The following SFI1 variants were observed in gnomAD, a reference collection of about 807,000 sequenced individuals.
SFI1 encodes protein SFI1 homolog.
In SFI1, 195 loss-of-function variants were observed where a neutral mutation model predicts 207.5. The observed-to-expected ratio is 0.94, with a 90% CI of 0.84 to 1.06. SFI1 has a LOEUF of 1.06. Among genes scored for constraint, SFI1 ranks in the 50% least tolerant of loss-of-function variants. The probability of loss-of-function intolerance (pLI) is 0.00; values close to 1 mark genes in which losing one functional copy is unlikely to be tolerated. For synonymous variants in SFI1, 630 were observed against 598.9 expected (o/e 1.05, Z -0.76); for missense variants, 1,634 against 1,588.0 (o/e 1.03, Z -0.49).
At chr22:31,570,374 C>G (rs1490866390) in intron 8 of SFI1, among the ~76,000 whole-genome samples, 1 of 152,124 alleles carries the variant, frequency 6.6e-6, no homozygotes, top group Non-Finnish European at 1.5e-5. Context: ...AATGGAGTGC[C>G]ATTTACTGAA....
rs1392063337 is a variant in SFI1, at chr22:31,618,211, G to A, written c.3609G>A (p.Gln1203=). 3 of 1,595,930 alleles carry A rather than the reference G, an allele frequency of 1.9e-6. No homozygotes were observed. The highest frequency in any genetic ancestry group is 2.6e-6 in the Non-Finnish European group (3 of 1,173,038). ...PEDQEVEQQV[Q]KELEQVEMQI... The stretch of plus-strand genomic sequence containing the variant: ...ACCAGGAAGTAGAGCAGCAGGTGCA[G>A]AAAGAGCTGGAACAGGTGAGGCCCC... The change falls in exon 32 of 33, where the codon CAG becomes CAA. Residue 1203 remains glutamine, a synonymous_variant. Transcript: ENST00000400288.
At chr22:31,529,061 T>G in intron 3 of SFI1, 198 bp downstream of exon 3, 1 of 504,784 alleles carries the variant, frequency 2.0e-6, no homozygotes, top group African/African-American at 1.9e-5. Context: ...TGTTTTCATT[T>G]CTCCACTTGT....
At chr22:31,574,036 A>G (rs896921392) in intron 9 of SFI1, among the ~76,000 whole-genome samples, 2 of 152,188 alleles carry the variant, frequency 1.3e-5, no homozygotes, top group African/African-American at 4.8e-5. Context: ...TTTTTTGGAT[A>G]CTGTTTATAT....
intron 1 of SFI1, among the ~76,000 whole-genome samples, chr22:31,499,038 C>G (rs1029484106): frequency 1.3e-5 from 2 of 151,550 alleles, no homozygotes; most frequent in African/African-American, 4.8e-5. Context: ...CAGACAGGGT[C>G]TTGTTCTGTT....
At chr22:31,589,298 A>C in intron 14 of SFI1, 149 bp from the exon 15 acceptor site, 1 of 832,124 alleles carries the variant, frequency 1.2e-6, no homozygotes, top group Non-Finnish European at 1.7e-6. Context: ...TTTTTCACCT[A>C]GCATATTGGC....
intron 29 of SFI1, chr22:31,616,090 G>C (rs769869809): frequency 6.6e-6 from 1 of 152,064 alleles, no homozygotes; most frequent in Non-Finnish European, 1.5e-5. Context: ...AGGGGAGGAG[G>C]CTCCAAGCAG....
intron 12 of SFI1, among the ~76,000 whole-genome samples, chr22:31,582,305 T>C (rs1461678092): frequency 7.6e-6 from 1 of 131,322 alleles, no homozygotes; most frequent in Non-Finnish European, 1.6e-5. Context: ...TGGAGTGCAG[T>C]AAGTAGCTTG....
intron 2 of SFI1, among the ~76,000 whole-genome samples, chr22:31,519,818 C>T (rs998002861): frequency 1.6e-4 from 25 of 152,090 alleles, no homozygotes; most frequent in Non-Finnish European, 2.9e-4. Flanking sequence ...GCAATCCACC[C>T]ACCTTGGCCT....
At chr22:31,552,385 T>A (rs921213097) in intron 6 of SFI1, among the ~76,000 whole-genome samples, 1 of 152,136 alleles carries the variant, frequency 6.6e-6, no homozygotes, top group Non-Finnish European at 1.5e-5. Context: ...CTCAAGTACC[T>A]GGGACTACAG....
intron 15 of SFI1, among the ~76,000 whole-genome samples, chr22:31,593,355 A>C (rs1294991170): frequency 2.2e-5 from 3 of 133,736 alleles, no homozygotes; most frequent in Non-Finnish European, 4.8e-5. Context: ...CACATCCCAG[A>C]TGGGACGGCG....
intron 13 of SFI1, 83 bp downstream of exon 13, chr22:31,584,055 C>T (rs1213948999): frequency 1.7e-6 from 2 of 1,153,386 alleles, no homozygotes; most frequent in Admixed American, 1.7e-5. Flanking sequence ...GCTTGCCCTT[C>T]TATGCGTTAG....
At chr22:31,533,680 C>T (rs2058727164) in intron 4 of SFI1, among the ~76,000 whole-genome samples, 1 of 152,148 alleles carries the variant, frequency 6.6e-6, no homozygotes, top group South Asian at 2.1e-4. Flanking sequence ...GCTGCAAGTG[C>T]TAGGCATTGT....
At chr22:31,564,970 C>T (rs981635139) in intron 8 of SFI1, among the ~76,000 whole-genome samples, 4 of 147,144 alleles carry the variant, frequency 2.7e-5, no homozygotes, top group South Asian at 2.3e-4. Flanking sequence ...CCCGCCACAA[C>T]GCCTGGCTAA....
At chr22:31,560,989 C>T (rs1046797351) in intron 7 of SFI1, among the ~76,000 whole-genome samples, 2 of 152,148 alleles carry the variant, frequency 1.3e-5, no homozygotes, top group South Asian at 4.1e-4. Flanking sequence ...AGGTGTAAGC[C>T]ACCGTACCAG....
chr22:31,534,363 T>A (rs1362019611), intron 4 of SFI1, among the ~76,000 whole-genome samples: 2 of 152,186 alleles, frequency 1.3e-5, no homozygotes, highest in African/African-American at 4.8e-5. Flanking sequence ...TACCCTTCCT[T>A]TTTCATTTGT....
At chr22:31,501,956 AGT>A (rs1337110970) in intron 1 of SFI1, among the ~76,000 whole-genome samples, 3 of 152,062 alleles carry the variant, frequency 2.0e-5, no homozygotes, top group South Asian at 4.2e-4. Flanking sequence ...AGTGTCAGTG[AGT>A]GTGTGTGTGA....
intron 4 of SFI1, among the ~76,000 whole-genome samples, chr22:31,533,737 A>G (rs1384766722): frequency 6.6e-6 from 1 of 152,128 alleles, no homozygotes; most frequent in African/African-American, 2.4e-5. Flanking sequence ...GTCATCCTTC[A>G]CTGCCTTGGT....
chr22:31,535,253 G>A (rs540812297), intron 4 of SFI1, among the ~76,000 whole-genome samples: 20 of 147,220 alleles, frequency 1.4e-4, no homozygotes, highest in African/African-American at 4.8e-4. Flanking sequence ...GCAATGACGC[G>A]ATCTCGGCTC....
At chr22:31,511,200 C>G (rs1443840804) in intron 2 of SFI1, among the ~76,000 whole-genome samples, 1 of 152,006 alleles carries the variant, frequency 6.6e-6, no homozygotes, top group Admixed American at 6.6e-5. Context: ...TTTGGTTGAT[C>G]CAGCAAGGGT....
Sources: gnomAD v4.1 joint callset for allele counts (sites outside exome capture counted in the v4.1 genomes callset) on GRCh38, gnomAD v4.1.1 for gene constraint, MANE v1.5 for transcripts, NCBI Gene and HGNC (gene_info 2026-07-23, HGNC 2026-07-21) for gene names.